AUTS2: variants seen among roughly 807,000 people sequenced by gnomAD.
AUTS2 encodes autism susceptibility gene 2 protein.
A neutral mutation model predicts 112.4 loss-of-function variants in AUTS2; 17 were observed. The observed-to-expected ratio is 0.15, with a 90% CI of 0.10 to 0.23. The LOEUF (loss-of-function observed/expected upper bound fraction) is 0.23. AUTS2 is among the 10% of genes least tolerant of loss of function. The pLI, the probability that AUTS2 is intolerant of heterozygous loss-of-function variation, is 1.00. For synonymous variants in AUTS2, 751 were observed against 702.7 expected, an observed-to-expected ratio of 1.07 and a Z score of -1.09; for missense variants, 1,510 against 1,701.6, an observed-to-expected ratio of 0.89 and a Z score of 1.98.
intron 4 of AUTS2, among the ~76,000 whole-genome samples, chr7:70,187,192 A>G (rs973276777): frequency 1.3e-5 from 2 of 152,232 alleles, no homozygotes; most frequent in Non-Finnish European, 2.9e-5. Flanking sequence ...AACAGTGAAG[A>G]GATTCCCACT....
chr7:70,192,091 T>C (rs1179552785), intron 4 of AUTS2, among the ~76,000 whole-genome samples: 2 of 152,204 alleles, frequency 1.3e-5, no homozygotes, highest in Admixed American at 6.5e-5. Flanking sequence ...CTTAACTTGA[T>C]TGAATCTCAG....
At chr7:69,729,411 C>CACTTTGGGAGG (rs1786677223) in intron 1 of AUTS2, among the ~76,000 whole-genome samples, 1 of 88,542 alleles carries the variant, frequency 1.1e-5, no homozygotes, top group African/African-American at 4.7e-5. Context: ...TTTTAAATGT[C>CACTTTGGGAGG]CCCCAACACC....
intron 2 of AUTS2, among the ~76,000 whole-genome samples, chr7:69,909,158 G>C (rs1420675519): frequency 6.6e-6 from 1 of 152,092 alleles, no homozygotes; most frequent in Admixed American, 6.5e-5. Context: ...ATCAATAATT[G>C]GATCATATTT....
In AUTS2 at chr7:69,926,284, C is replaced by G. The variant is rs1178503581; in HGVS notation, c.522+26786C>G. 2.0e-5 allele frequency among the ~76,000 whole-genome samples: 3 copies of G among 152,194 alleles called. No individual in the cohort carries two copies. In the East Asian group the frequency reaches 5.8e-4, roughly 29 times the overall value. ...TCTGGCTATAATTGTGGTTTTGTTT[C>G]TTTGTTCCTATTGTCCTGTGCTATT... On this transcript the variant is annotated intron_variant, in intron 2 of 18. Coordinates refer to ENST00000342771, the MANE Select transcript of AUTS2 (RefSeq NM_015570.4).
chr7:70,416,261 A>G (rs897979495), intron 4 of AUTS2, among the ~76,000 whole-genome samples: 1 of 152,256 alleles, frequency 6.6e-6, no homozygotes, highest in Non-Finnish European at 1.5e-5. Context: ...CTTCAATAGC[A>G]TAACTACAAC....
chr7:69,956,781 G>A (rs567911441), intron 2 of AUTS2, among the ~76,000 whole-genome samples: 1 of 152,278 alleles, frequency 6.6e-6, no homozygotes, highest in South Asian at 2.1e-4. Flanking sequence ...CTTTCGTTGT[G>A]TGATGTGCTC....
chr7:70,317,240 G>A (rs933624360), intron 4 of AUTS2, among the ~76,000 whole-genome samples: 2 of 152,074 alleles, frequency 1.3e-5, no homozygotes, highest in Non-Finnish European at 2.9e-5. Flanking sequence ...TGGAGCATTT[G>A]TATATTTTGT....
intron 1 of AUTS2, among the ~76,000 whole-genome samples, chr7:69,648,350 A>G (rs1447129449): frequency 6.6e-6 from 1 of 152,148 alleles, no homozygotes; most frequent in Non-Finnish European, 1.5e-5. Context: ...GTACCTTTAA[A>G]GGCTCTGGAA....
At chr7:70,264,147 T>G (rs1173009590) in intron 4 of AUTS2, among the ~76,000 whole-genome samples, 1 of 152,214 alleles carries the variant, frequency 6.6e-6, no homozygotes, top group East Asian at 1.9e-4. Flanking sequence ...CAATTCTTCC[T>G]AGAGACGTTT....
intron 5 of AUTS2, among the ~76,000 whole-genome samples, chr7:70,661,937 C>T (rs1807098632): frequency 6.6e-6 from 1 of 152,118 alleles, no homozygotes; most frequent in African/African-American, 2.4e-5. Flanking sequence ...AAAGCCAGTC[C>T]CATCTCTGCC....
intron 1 of AUTS2, among the ~76,000 whole-genome samples, chr7:69,813,560 C>T (rs760957771): frequency 1.3e-5 from 2 of 152,160 alleles, no homozygotes; most frequent in Non-Finnish European, 2.9e-5. Flanking sequence ...GTCTATCTCT[C>T]AGAATCGTTG....
At chr7:69,922,234 T>TTACATATAAACA (rs1795845123) in intron 2 of AUTS2, among the ~76,000 whole-genome samples, 1 of 152,240 alleles carries the variant, frequency 6.6e-6, no homozygotes. Flanking sequence ...GCCAGGTATG[T>TTACATATAAACA]GGTTACATAT....
intron 1 of AUTS2, among the ~76,000 whole-genome samples, chr7:69,845,913 A>T (rs1792176190): frequency 6.6e-6 from 1 of 152,168 alleles, no homozygotes; most frequent in Non-Finnish European, 1.5e-5. Context: ...GACTGTGGAC[A>T]TTCTGGTTCT....
intron 4 of AUTS2, among the ~76,000 whole-genome samples, chr7:70,179,994 A>G (rs1715599775): frequency 1.3e-5 from 2 of 152,154 alleles, no homozygotes; most frequent in African/African-American, 4.8e-5. Flanking sequence ...AACAGAAAAA[A>G]GTAGGGCTCA....
chr7:70,735,588 C>T (rs1019519341), intron 6 of AUTS2, among the ~76,000 whole-genome samples: 1 of 152,124 alleles, frequency 6.6e-6, no homozygotes, highest in Non-Finnish European at 1.5e-5. Flanking sequence ...CTTCCTCATT[C>T]CCTGTGTCAG....
At chr7:70,438,635 G>A (rs377198328) in intron 5 of AUTS2, among the ~76,000 whole-genome samples, 26 of 152,214 alleles carry the variant, frequency 1.7e-4, no homozygotes, top group Admixed American at 1.1e-3. Flanking sequence ...GGTGTTTATC[G>A]CCAACTTTAA....
At chr7:70,778,048 G>C (rs1057079175) in intron 14 of AUTS2, among the ~76,000 whole-genome samples, 1 of 152,194 alleles carries the variant, frequency 6.6e-6, no homozygotes, top group East Asian at 1.9e-4. Flanking sequence ...GTTCTGGCTA[G>C]TTACCTCGCT....
intron 2 of AUTS2, among the ~76,000 whole-genome samples, chr7:70,093,636 G>C (rs1337561282): frequency 6.6e-6 from 1 of 152,222 alleles, no homozygotes; most frequent in Non-Finnish European, 1.5e-5. Context: ...GTACAGGTGA[G>C]CTGTGTCTAA....
chr7:70,643,478 G>A (rs1805967179), intron 5 of AUTS2, among the ~76,000 whole-genome samples: 1 of 152,196 alleles, frequency 6.6e-6, no homozygotes, highest in Non-Finnish European at 1.5e-5. Flanking sequence ...GGCTGCAGGA[G>A]GAGAATCGCT....
Sources: gnomAD v4.1 joint callset for allele counts (sites outside exome capture counted in the v4.1 genomes callset) on GRCh38, gnomAD v4.1.1 for gene constraint, MANE v1.5 for transcripts, NCBI Gene and HGNC (gene_info 2026-07-23, HGNC 2026-07-21) for gene names.